GAD2: variants seen among roughly 807,000 people sequenced by gnomAD.
GAD2 encodes 65 kDa glutamic acid decarboxylase.
GAD2 carries 22 observed loss-of-function variants against 80.1 expected under a neutral mutation model. The ratio of observed to expected loss-of-function variants is 0.27; its 90% CI spans 0.20 to 0.39. GAD2 has a LOEUF of 0.39. Ranked by LOEUF, GAD2 falls within the 10% of genes least tolerant of loss-of-function variation. The pLI, the probability that GAD2 is intolerant of heterozygous loss-of-function variation, is 1.00. For missense variants in GAD2, 624 were observed against 738.4 expected, an observed-to-expected ratio of 0.85 and a Z score of 1.80; for synonymous variants, 274 against 256.9, an observed-to-expected ratio of 1.07 and a Z score of -0.64.
intron 11 of GAD2, among the ~76,000 whole-genome samples, chr10:26,277,093 T>C: frequency 6.6e-6 from 1 of 152,146 alleles, no homozygotes; most frequent in Non-Finnish European, 1.5e-5. Context: ...CCTTCTGTGA[T>C]TACAGGGAGC....
At chr10:26,281,124 T>C in intron 12 of GAD2, 37 bp downstream of exon 12, 1 of 1,483,426 alleles carries the variant, frequency 6.7e-7, no homozygotes. Context: ...AGTCCGTGCG[T>C]GGGCTTTGAC....
At chr10:26,292,855 A>G in intron 14 of GAD2, 47 bp from the exon 15 acceptor site, 1 of 1,505,842 alleles carries the variant, frequency 6.6e-7, no homozygotes, top group Non-Finnish European at 9.2e-7. Context: ...GGAATTTTCA[A>G]AATTGCCAGC....
intron 12 of GAD2, 98 bp downstream of exon 12, chr10:26,281,185 C>G: frequency 3.6e-6 from 3 of 844,380 alleles, no homozygotes; most frequent in Non-Finnish European, 5.9e-6. Flanking sequence ...ACCGGGTCTT[C>G]TCTATGGTCC....
In GAD2 at chr10:26,300,854, G is replaced by A. The variant is rs145658372; in HGVS notation, c.1651G>A (p.Gly551Arg). 1.1e-5 allele frequency: 18 copies of A among 1,613,678 alleles called. No individual in the cohort carries two copies. The highest frequency in any genetic ancestry group is 1.3e-5 in the African/African-American group (1 of 74,856). Residue 551 changes from glycine to arginine, a missense_variant, in exon 16 of 16, where the codon GGA becomes AGA. Physicochemically the swap from Gly to Arg is moderately radical, Grantham distance 125 (BLOSUM62 -2). Transcript: ENST00000376261. ...GTTMVSYQPLGDKVNFFRMVI... is the reference protein window; with the variant it reads ...GTTMVSYQPLRDKVNFFRMVI... ...CACAATGGTCAGCTACCAACCCTTG[G>A]GAGACAAGGTCAATTTCTTCCGCAT...
intron 10 of GAD2, among the ~76,000 whole-genome samples, chr10:26,272,357 C>T (rs1277556757): frequency 6.6e-6 from 1 of 152,180 alleles, no homozygotes; most frequent in Non-Finnish European, 1.5e-5. Flanking sequence ...ATGAGAATGT[C>T]TGTGTGTCCT....
chr10:26,261,866 CTG>C (rs1018222604), intron 8 of GAD2, among the ~76,000 whole-genome samples: 1 of 152,080 alleles, frequency 6.6e-6, no homozygotes, highest in Non-Finnish European at 1.5e-5. Context: ...GAGATTGACA[CTG>C]AGATAATTTT....
upstream of GAD2, chr10:26,216,727 A>T: frequency 1.7e-6 from 2 of 1,192,696 alleles, no homozygotes; most frequent in Non-Finnish European, 2.4e-6. This position sits in a 1 kb window ranked among gnomAD's most constrained non-coding sequence, Gnocchi z 4.7. Context: ...CCACACGGGC[A>T]CGCACGCGCG....
At position 26,219,200 on chromosome 10, in the gene GAD2, A is replaced by T; in HGVS notation, c.444A>T (p.Glu148Asp). 1.9e-6 allele frequency: 3 copies of T among 1,613,820 alleles called. No homozygotes were observed. Among genetic ancestry groups the T allele is most frequent in the Non-Finnish European group, 2.5e-6 (3 of 1,179,940 alleles). ...AGCTTCTCCAAGAATATAATTGGGAATTGGCAGACCAACCACAAAATTTGG... is the reference window on the plus strand; with the variant it reads ...AGCTTCTCCAAGAATATAATTGGGATTTGGCAGACCAACCACAAAATTTGG... The part of the protein sequence containing the change: ...PNELLQEYNW[E>D]LADQPQNLEE... Residue 148 changes from glutamate (E) to aspartate (D), a missense_variant, in exon 4 of 16, where the codon GAA becomes GAT. Glu to Asp is a conservative substitution (Grantham distance 45). Transcript: ENST00000376261.
chr10:26,218,020 G>A (rs762760958), intron 3 of GAD2, 29 bp downstream of exon 3: 2 of 1,564,698 alleles, frequency 1.3e-6, no homozygotes, highest in Admixed American at 1.9e-5. Context: ...GCCCCGGGGC[G>A]CCCCTGCCCC....
At chr10:26,279,723 G>A (rs1245947788) in intron 11 of GAD2, among the ~76,000 whole-genome samples, 2 of 152,120 alleles carry the variant, frequency 1.3e-5, no homozygotes, top group Non-Finnish European at 2.9e-5. Context: ...GCACGGAATC[G>A]CTGTTGTGTG....
intron 13 of GAD2, among the ~76,000 whole-genome samples, chr10:26,288,281 C>T (rs999883682): frequency 1.1e-4 from 16 of 152,286 alleles, no homozygotes; most frequent in Non-Finnish European, 1.9e-4. Flanking sequence ...TCAGGGAAGC[C>T]TCCTTAATAC....
intron 10 of GAD2, among the ~76,000 whole-genome samples, chr10:26,272,768 G>A (rs1238877199): frequency 5.3e-5 from 8 of 152,162 alleles, no homozygotes; most frequent in African/African-American, 1.9e-4. Flanking sequence ...GGAGGCTGAG[G>A]CAGGAGAATT....
Position 26,234,736 on chromosome 10 carries a change from A to G in GAD2, c.840+4959A>G, listed in dbSNP as rs145559646. 2.3e-4 allele frequency among the ~76,000 whole-genome samples: 35 copies of G among 152,332 alleles called. No homozygotes were observed. The East Asian group carries it at 6.0e-3, about 26-fold the overall frequency. ...TGGGAGGGTTCAATTAGACACCATC[A>G]CTGAAGAGATTAGCATAGTGGCCAG... On this transcript the variant is annotated intron_variant, in intron 7 of 15. Transcript: ENST00000376261.
chr10:26,242,873 T>C (rs1162041379), intron 7 of GAD2, among the ~76,000 whole-genome samples: 1 of 152,166 alleles, frequency 6.6e-6, no homozygotes, highest in Non-Finnish European at 1.5e-5. Flanking sequence ...TTCGCCTTTT[T>C]GCAGTTTAGT....
At chr10:26,299,015 A>G (rs986819288) in intron 15 of GAD2, among the ~76,000 whole-genome samples, 7 of 152,186 alleles carry the variant, frequency 4.6e-5, no homozygotes, top group African/African-American at 1.7e-4. Flanking sequence ...ATTCCTCCCC[A>G]TGGAACAAGG....
At chr10:26,268,442 T>A (rs1845097091) in intron 8 of GAD2, among the ~76,000 whole-genome samples, 1 of 138,724 alleles carries the variant, frequency 7.2e-6, no homozygotes, top group Non-Finnish European at 1.5e-5. Context: ...CACTCCAGCC[T>A]GGGCGACAGA....
At chr10:26,235,570 G>A (rs911237726) in intron 7 of GAD2, among the ~76,000 whole-genome samples, 9 of 152,172 alleles carry the variant, frequency 5.9e-5, no homozygotes, top group South Asian at 2.1e-4. Context: ...TGTGGCAAGC[G>A]TTTAAGAGTT....
rs1200436014 is a variant in GAD2 at position 26,217,089 on chromosome 10, G to A, written c.76+204G>A. Among the ~76,000 whole-genome samples, 1 of 152,038 alleles carries A rather than the reference G, an allele frequency of 6.6e-6. No individual in the cohort carries two copies. The highest frequency in any genetic ancestry group is 1.5e-5 in the Non-Finnish European group (1 of 67,996). On this transcript the variant is annotated intron_variant, in intron 1 of 15. Coordinates refer to ENST00000376261, the MANE Select transcript of GAD2 (RefSeq NM_001134366.2). The surrounding 1 kb of genome is among the most constrained non-coding windows in gnomAD (Gnocchi z 4.9). ...TGTACCCTGGGAAGACGCCCAAATA[G>A]TCTCAGGCCCGTTCCACAGAAGGTT...
chr10:26,292,430 G>C, intron 13 of GAD2, 35 bp from the exon 14 acceptor site: 1 of 1,523,312 alleles, frequency 6.6e-7, no homozygotes, highest in Non-Finnish European at 9.1e-7. Context: ...CGCACTCTTA[G>C]CCTGCTTAAT....
Sources: allele counts gnomAD v4.1 joint callset (sites outside exome capture counted in the v4.1 genomes callset), GRCh38; gene constraint gnomAD v4.1.1; non-coding constraint Gnocchi (gnomAD v3.1); transcripts MANE v1.5; gene names NCBI Gene and HGNC (gene_info 2026-07-23, HGNC 2026-07-21).